PTPRD: variants seen among roughly 807,000 people sequenced by gnomAD.
PTPRD encodes the protein receptor-type tyrosine-protein phosphatase delta.
In PTPRD, 34 loss-of-function variants were observed where a neutral mutation model predicts 214.5. The observed-to-expected ratio is 0.16, with a 90% CI of 0.12 to 0.21. The LOEUF (loss-of-function observed/expected upper bound fraction) is 0.21, where lower values mean the gene tolerates loss of function less well. Ranked by LOEUF, PTPRD falls within the 10% of genes least tolerant of loss-of-function variation. The pLI is 1.00. For missense variants in PTPRD, 2,545 were observed against 2,398.7 expected (o/e 1.06, Z -1.27); for synonymous variants, 1,128 against 845.7 (o/e 1.33, Z -5.79).
At position 10,257,849 on chromosome 9, in the gene PTPRD, G is replaced by T. The variant is rs544481291; in HGVS notation, c.-545+83114C>A. 2.0e-5 allele frequency among the ~76,000 whole-genome samples: 3 copies of T among 152,334 alleles called. No homozygotes were observed. In the South Asian group the frequency reaches 6.2e-4, roughly 32 times the overall value. On this transcript the variant is annotated intron_variant, in intron 3 of 45. Coordinates refer to ENST00000381196, the MANE Select transcript of PTPRD (RefSeq NM_002839.4). ...AATGTTAAGATGCTAATGGTCATAT[G>T]CATTCATCATATTAGAAAAACTAAA...
At chr9:10,193,918 C>T (rs1289585020) in intron 3 of PTPRD, among the ~76,000 whole-genome samples, 1 of 152,088 alleles carries the variant, frequency 6.6e-6, no homozygotes, top group African/African-American at 2.4e-5. Flanking sequence ...TGCTCCGAAA[C>T]ACGTTCCATT....
intron 3 of PTPRD, among the ~76,000 whole-genome samples, chr9:10,141,985 C>T (rs1434852703): frequency 2.0e-5 from 3 of 152,148 alleles, no homozygotes; most frequent in Non-Finnish European, 4.4e-5. Context: ...CTACAACTAT[C>T]TGATCTTTGA....
intron 11 of PTPRD, among the ~76,000 whole-genome samples, chr9:8,786,729 T>C (rs1007758621): frequency 6.7e-6 from 1 of 149,428 alleles, no homozygotes; most frequent in East Asian, 2.0e-4. Flanking sequence ...ATTTGGAGTT[T>C]TATACCTGAA....
At chr9:8,925,668 A>C (rs143919457) in intron 11 of PTPRD, among the ~76,000 whole-genome samples, 1 of 142,026 alleles carries the variant, frequency 7.0e-6, no homozygotes, top group African/African-American at 2.6e-5. Context: ...AGTCTAAGCC[A>C]GTATCTTGGA....
At position 10,579,797 on chromosome 9, in the gene PTPRD, C is replaced by T. The variant is rs1043375355; in HGVS notation, c.-600+32601G>A. ...AATATTTTTTGATATTTTTAATAGC[C>T]GTTCTAACTGGTGTGAGATAATTCT... On this transcript the variant is annotated intron_variant, in intron 2 of 45. Transcript: ENST00000381196. 1.8e-4 allele frequency among the ~76,000 whole-genome samples: 27 copies of T among 152,022 alleles called. 1 individual carries two copies. Among genetic ancestry groups the T allele is most frequent in the African/African-American group, 6.5e-4 (27 of 41,388 alleles).
At chr9:10,118,615 A>C (rs2098749991) in intron 3 of PTPRD, among the ~76,000 whole-genome samples, 1 of 151,650 alleles carries the variant, frequency 6.6e-6, no homozygotes, top group South Asian at 2.1e-4. Flanking sequence ...GGAGAATAAA[A>C]GAATTAAAGA....
intron 3 of PTPRD, among the ~76,000 whole-genome samples, chr9:10,270,198 C>A (rs1403748634): frequency 1.3e-5 from 2 of 151,928 alleles, no homozygotes; most frequent in Non-Finnish European, 2.9e-5. Flanking sequence ...ATCTTTAATT[C>A]ATCTTCCTTA....
intron 3 of PTPRD, among the ~76,000 whole-genome samples, chr9:10,272,862 G>T (rs1284536787): frequency 6.6e-6 from 1 of 152,146 alleles, no homozygotes; most frequent in Non-Finnish European, 1.5e-5. Context: ...GTGAATTTTT[G>T]AAGACTTTTA....
At chr9:10,568,197 A>T (rs909635649) in intron 2 of PTPRD, among the ~76,000 whole-genome samples, 5 of 142,118 alleles carry the variant, frequency 3.5e-5, no homozygotes, top group African/African-American at 1.3e-4. Context: ...ATTCCCACCT[A>T]TGAGTGAGAA....
At chr9:9,112,425 G>A (rs2099807358) in intron 10 of PTPRD, among the ~76,000 whole-genome samples, 1 of 152,130 alleles carries the variant, frequency 6.6e-6, no homozygotes, top group East Asian at 1.9e-4. Flanking sequence ...TTTTTTTCCT[G>A]CACAGCCTGC....
chr9:9,608,393 T>C (rs1284513974), intron 7 of PTPRD, among the ~76,000 whole-genome samples: 11 of 152,214 alleles, frequency 7.2e-5, no homozygotes, highest in Admixed American at 1.3e-4. Flanking sequence ...CTAAAAGTTT[T>C]TAAATCTAGG....
chr9:9,503,316 T>C (rs1198823720), intron 8 of PTPRD, among the ~76,000 whole-genome samples: 3 of 151,408 alleles, frequency 2.0e-5, no homozygotes, highest in Non-Finnish European at 4.4e-5. Context: ...TTGTTATAGG[T>C]CTTGAATCAC....
At chr9:8,419,025 C>G (rs1361323825) in intron 35 of PTPRD, among the ~76,000 whole-genome samples, 1 of 151,776 alleles carries the variant, frequency 6.6e-6, no homozygotes, top group Non-Finnish European at 1.5e-5. Flanking sequence ...TCGAGACTGG[C>G]CTCAGCAACA....
chr9:10,277,392 C>T (rs934244654), intron 3 of PTPRD, among the ~76,000 whole-genome samples: 6 of 152,076 alleles, frequency 3.9e-5, no homozygotes, highest in African/African-American at 7.2e-5. Flanking sequence ...AGAACAAAAA[C>T]GACAATGATC....
chr9:9,408,639 G>C (rs2074350504), intron 8 of PTPRD, among the ~76,000 whole-genome samples: 2 of 151,914 alleles, frequency 1.3e-5, no homozygotes, highest in East Asian at 1.9e-4. Context: ...ACATTAAGAG[G>C]CATTATATTA....
chr9:8,786,718 C>A (rs12376837), intron 11 of PTPRD, among the ~76,000 whole-genome samples: 100,931 of 150,576 alleles, frequency 0.67, 33,927 homozygotes, highest in East Asian at 0.76. Context: ...CCCAGTCAAA[C>A]ATTTGGAGTT....
At chr9:9,440,879 C>T (rs1175915780) in intron 8 of PTPRD, among the ~76,000 whole-genome samples, 2 of 151,990 alleles carry the variant, frequency 1.3e-5, no homozygotes, top group Admixed American at 6.6e-5. Flanking sequence ...GTTTAGAATG[C>T]GGAATATTTA....
chr9:8,889,382 A>G (rs1045972769), intron 11 of PTPRD, among the ~76,000 whole-genome samples: 2 of 152,206 alleles, frequency 1.3e-5, no homozygotes, highest in African/African-American at 2.4e-5. Context: ...TATAATAGAT[A>G]TGTGTTAATA....
At chr9:9,442,617 G>GGAT (rs1260396143) in intron 8 of PTPRD, among the ~76,000 whole-genome samples, 1 of 152,112 alleles carries the variant, frequency 6.6e-6, no homozygotes, top group African/African-American at 2.4e-5. Context: ...AATAGCTGAT[G>GGAT]GATTGTTATT....
Sources: gnomAD v4.1 joint callset for allele counts (sites outside exome capture counted in the v4.1 genomes callset) on GRCh38, gnomAD v4.1.1 for gene constraint, MANE v1.5 for transcripts, NCBI Gene and HGNC (gene_info 2026-07-23, HGNC 2026-07-21) for gene names.